The following NPAS3 variants were observed in gnomAD, a reference collection of about 807,000 sequenced individuals.
NPAS3 encodes the protein neuronal PAS domain protein 3, also known as neuronal PAS domain-containing protein 3.
In NPAS3, 14 loss-of-function variants were observed where a neutral mutation model predicts 73.1. The observed-to-expected ratio is 0.19, with a 90% CI of 0.13 to 0.30. The LOEUF is 0.30. Among genes scored for constraint, NPAS3 ranks in the 10% least tolerant of loss-of-function variants. The pLI is 1.00. For missense variants in NPAS3, 1,096 were observed against 1,250.0 expected (o/e 0.88, Z 1.86); for synonymous variants, 620 against 541.5 (o/e 1.14, Z -2.01).
chr14:33,570,399 C>T (rs2056155086), intron 5 of NPAS3, among the ~76,000 whole-genome samples: 1 of 152,148 alleles, frequency 6.6e-6, no homozygotes, highest in Non-Finnish European at 1.5e-5. Context: ...TTGTGATGTC[C>T]TGTCTACATA....
At position 33,800,594 on chromosome 14, in the gene NPAS3, G is replaced by T; in HGVS notation, c.2287G>T (p.Gly763Cys). The T allele has an allele frequency of 1.5e-6, 2 of 1,300,030 alleles. No homozygotes were observed. Among genetic ancestry groups the T allele is most frequent in the Non-Finnish European group, 1.9e-6 (2 of 1,032,522 alleles). The allele number at this position is 1,300,030 out of a possible 1,614,324, so 80.5% of individuals were successfully genotyped here. ...CCCGCGGGACAAGCACCCCGGGAAC[G>T]GCGGCGGGGGCGGGGGCGGGGGCGG... Residue 763 changes from glycine to cysteine, a missense_variant, in exon 12 of 12, where the codon GGC (glycine) becomes TGC (cysteine). Physicochemically the swap from Gly to Cys is radical, Grantham distance 159. This residue lies in a region of NPAS3 where 698 missense variants were observed against 676.7 expected (regional missense o/e 1.03). Coordinates refer to ENST00000356141, the Ensembl canonical transcript of NPAS3. The surrounding 1 kb of genome is among the most constrained non-coding windows in gnomAD (Gnocchi z 6.5).
chr14:33,040,975 A>G (rs542375356), intron 1 of NPAS3, among the ~76,000 whole-genome samples: 49 of 152,302 alleles, frequency 3.2e-4, no homozygotes, highest in Non-Finnish European at 6.6e-4. Flanking sequence ...CACAACACAG[A>G]GTAGTTAAGT....
At chr14:33,588,168 G>A (rs961889501) in intron 5 of NPAS3, among the ~76,000 whole-genome samples, 14 of 152,288 alleles carry the variant, frequency 9.2e-5, no homozygotes, top group Non-Finnish European at 2.1e-4. Flanking sequence ...GGCCTATAAA[G>A]CAGATGCACT....
intron 3 of NPAS3, among the ~76,000 whole-genome samples, chr14:33,328,995 C>T (rs977837636): frequency 6.6e-6 from 1 of 152,118 alleles, no homozygotes; most frequent in African/African-American, 2.4e-5. Flanking sequence ...AAGTTCCTAA[C>T]ATGTAAGGAC....
At chr14:32,966,211 G>T (rs2037152163) in intron 1 of NPAS3, among the ~76,000 whole-genome samples, 1 of 152,076 alleles carries the variant, frequency 6.6e-6, no homozygotes, top group Non-Finnish European at 1.5e-5. Flanking sequence ...CCTAAAATTT[G>T]CAAGGAACCA....
intron 4 of NPAS3, among the ~76,000 whole-genome samples, chr14:33,470,606 TG>T (rs1180758756): frequency 7.9e-5 from 12 of 152,134 alleles, no homozygotes; most frequent in Non-Finnish European, 1.8e-4. Flanking sequence ...TCTTTAGAGG[TG>T]GGAATTCCCT....
At chr14:33,711,440 G>A (rs1488325317) in intron 6 of NPAS3, among the ~76,000 whole-genome samples, 7 of 152,258 alleles carry the variant, frequency 4.6e-5, no homozygotes, top group African/African-American at 1.4e-4. Context: ...GAACTTCCCT[G>A]GGTGACAGAG....
intron 1 of NPAS3, among the ~76,000 whole-genome samples, chr14:32,975,865 G>A (rs1217399439): frequency 6.4e-5 from 4 of 62,162 alleles, no homozygotes; most frequent in African/African-American, 2.5e-4. Flanking sequence ...AGGGGCGTGT[G>A]TGTGTGTGTG....
chr14:33,345,808 T>C (rs8018397), intron 3 of NPAS3, among the ~76,000 whole-genome samples: 5,987 of 152,276 alleles, frequency 0.039, 416 homozygotes, highest in African/African-American at 0.14. Flanking sequence ...AGCTAAGTAC[T>C]TACATAAAAG....
intron 2 of NPAS3, among the ~76,000 whole-genome samples, chr14:33,091,254 A>G (rs906615259): frequency 6.6e-6 from 1 of 152,218 alleles, no homozygotes; most frequent in Non-Finnish European, 1.5e-5. Context: ...AAGGCTAAGA[A>G]AGAAGAAAAC....
intron 3 of NPAS3, among the ~76,000 whole-genome samples, chr14:33,241,682 G>A (rs2048218317): frequency 6.6e-6 from 1 of 151,946 alleles, no homozygotes; most frequent in Non-Finnish European, 1.5e-5. Context: ...AAATAATTTA[G>A]TTTCCAATAT....
chr14:33,480,230 A>G (rs975544927), intron 4 of NPAS3, among the ~76,000 whole-genome samples: 1 of 151,958 alleles, frequency 6.6e-6, no homozygotes, highest in Admixed American at 6.5e-5. Context: ...CATTTTAAGA[A>G]GCATTTTAAT....
At chr14:33,182,890 G>A (rs1005198927) in intron 2 of NPAS3, among the ~76,000 whole-genome samples, 3 of 152,046 alleles carry the variant, frequency 2.0e-5, no homozygotes, top group Admixed American at 6.5e-5. Context: ...CCCAGGCTTC[G>A]TTCCCACTGT....
At chr14:33,710,750 G>A (rs79356658) in intron 6 of NPAS3, among the ~76,000 whole-genome samples, 9,281 of 152,284 alleles carry the variant, frequency 0.061, 359 homozygotes, top group South Asian at 0.18. Context: ...TAACTCTAGT[G>A]CTAACTTTTA....
intron 1 of NPAS3, among the ~76,000 whole-genome samples, chr14:32,968,973 T>C (rs980843816): frequency 6.6e-5 from 10 of 152,264 alleles, no homozygotes; most frequent in African/African-American, 2.4e-4. Context: ...GTACCCTCCA[T>C]GTGTCCATGT....
At chr14:33,785,691 A>G (rs953325461) in intron 9 of NPAS3, among the ~76,000 whole-genome samples, 1 of 152,176 alleles carries the variant, frequency 6.6e-6, no homozygotes, top group Non-Finnish European at 1.5e-5. Flanking sequence ...CAGTTTTCCC[A>G]TACATGCAGG....
intron 4 of NPAS3, among the ~76,000 whole-genome samples, chr14:33,504,921 G>T (rs1441880310): frequency 6.6e-6 from 1 of 151,994 alleles, no homozygotes; most frequent in Non-Finnish European, 1.5e-5. Context: ...TAGGAATTAG[G>T]CAAAAGAAAT....
intron 7 of NPAS3, among the ~76,000 whole-genome samples, chr14:33,736,603 G>C (rs1384744340): frequency 1.4e-5 from 2 of 146,706 alleles, no homozygotes; most frequent in Admixed American, 1.3e-4. Flanking sequence ...TGTAGCCTTA[G>C]CAAGTTTGGA....
intron 4 of NPAS3, among the ~76,000 whole-genome samples, chr14:33,537,492 T>A (rs1217474658): frequency 6.6e-6 from 1 of 152,224 alleles, no homozygotes; most frequent in Non-Finnish European, 1.5e-5. Flanking sequence ...AGTTCATAGA[T>A]TAATGGACGT....
Sources: gnomAD v4.1 joint callset for allele counts (sites outside exome capture counted in the v4.1 genomes callset) on GRCh38, gnomAD v4.1.1 for gene constraint, gnomAD v4.1.1 regional missense constraint, Gnocchi (gnomAD v3.1) non-coding constraint, MANE v1.5 for transcripts, NCBI Gene and HGNC (gene_info 2026-07-23, HGNC 2026-07-21) for gene names.